SVOP: variants seen among roughly 807,000 people sequenced by gnomAD.
SVOP encodes the protein synaptic vesicle 2-related protein.
Under a neutral mutation model 69.1 loss-of-function variants are expected in SVOP, and 17 were observed. The ratio of observed to expected loss-of-function variants is 0.25; its 90% CI spans 0.17 to 0.37. The LOEUF (loss-of-function observed/expected upper bound fraction) is 0.37, where lower values mean the gene tolerates loss of function less well. SVOP is among the 10% of genes least tolerant of loss of function. The pLI, the probability that SVOP is intolerant of heterozygous loss-of-function variation, is 1.00. For synonymous variants in SVOP, 238 were observed against 238.6 expected (o/e 1.00, Z 0.02); for missense variants, 435 against 597.5 (o/e 0.73, Z 2.84).
intron 2 of SVOP, among the ~76,000 whole-genome samples, chr12:108,983,181 T>A (rs1383495682): frequency 2.0e-5 from 3 of 151,692 alleles, no homozygotes; most frequent in Non-Finnish European, 1.5e-5. Context: ...ACCATTGCCA[T>A]CTTTATCATC....
Position 108,940,839 on chromosome 12 carries a change from C to T in SVOP, c.713G>A (p.Arg238His), listed in dbSNP as rs541981069. 2.8e-5 allele frequency: 43 copies of T among 1,537,218 alleles called. No individual in the cohort carries two copies. The highest frequency in any genetic ancestry group is 1.2e-4 in the East Asian group (5 of 40,914). The change falls in exon 8 of 16, where the codon CGT becomes CAT. Residue 238 changes from arginine (R) to histidine (H), a missense_variant. Coordinates refer to ENST00000610966, the MANE Select transcript of SVOP (RefSeq NM_018711.5). ...AVFVMPSLGW[R>H]WLLILSAVPL... ...GACAGCTGAGAGGATGAGCAGCCAA[C>T]GCCAGCCCAGGCTGGGCATCACGAA... is the stretch of plus-strand genomic sequence containing the variant.
intron 1 of SVOP, among the ~76,000 whole-genome samples, chr12:109,013,077 T>C (rs1387964141): frequency 6.6e-6 from 1 of 152,238 alleles, no homozygotes; most frequent in African/African-American, 2.4e-5. Context: ...CAGATTTTTC[T>C]GGTTTTTCAT....
At chr12:108,998,532 A>C (rs1278638114) in intron 1 of SVOP, among the ~76,000 whole-genome samples, 1 of 152,062 alleles carries the variant, frequency 6.6e-6, no homozygotes, top group Non-Finnish European at 1.5e-5. Flanking sequence ...AGTTGAAATG[A>C]AGGAAAAAAT....
intron 5 of SVOP, among the ~76,000 whole-genome samples, chr12:108,964,203 C>CA (rs963768630): frequency 4.7e-5 from 7 of 149,196 alleles, no homozygotes; most frequent in South Asian, 4.3e-4. Flanking sequence ...AAAATTAAAT[C>CA]AAAAAAAAGA....
chr12:108,945,432 C>G (rs1359493609), intron 6 of SVOP, among the ~76,000 whole-genome samples: 5 of 152,096 alleles, frequency 3.3e-5, no homozygotes, highest in Admixed American at 2.0e-4. Context: ...GAGTCTCAGT[C>G]TGTCACCCAG....
At chr12:108,912,857 G>A in intron 15 of SVOP, 116 bp from the exon 16 acceptor site, 1 of 1,054,886 alleles carries the variant, frequency 9.5e-7, no homozygotes, top group Non-Finnish European at 1.4e-6. Flanking sequence ...TGCTAAAAAG[G>A]ATCTGGTGAT....
intron 1 of SVOP, among the ~76,000 whole-genome samples, chr12:109,007,302 A>C (rs2040314234): frequency 6.6e-6 from 1 of 150,986 alleles, no homozygotes; most frequent in African/African-American, 2.4e-5. Flanking sequence ...CAAGGTCACT[A>C]ACATATGGAC....
At chr12:108,943,319 C>T (rs922567600) in intron 7 of SVOP, among the ~76,000 whole-genome samples, 3 of 151,658 alleles carry the variant, frequency 2.0e-5, no homozygotes, top group Admixed American at 6.6e-5. Flanking sequence ...CACCAGTAGC[C>T]GGGCGCAGTG....
intron 14 of SVOP, among the ~76,000 whole-genome samples, chr12:108,917,560 T>C (rs1043003391): frequency 1.7e-5 from 1 of 57,372 alleles, no homozygotes; most frequent in Non-Finnish European, 4.1e-5. Flanking sequence ...TGGTATCATA[T>C]CATACATATT....
rs185957644 is a variant in SVOP, at chr12:108,952,217, T to C, written c.579-7051A>G. 2.2e-3 allele frequency among the ~76,000 whole-genome samples: 334 copies of C among 148,958 alleles called. 7 individuals carry two copies. The highest frequency in any genetic ancestry group is 7.8e-3 in the African/African-American group (323 of 41,308). On this transcript the variant is annotated intron_variant, in intron 6 of 15. Coordinates refer to ENST00000610966, the MANE Select transcript of SVOP (RefSeq NM_018711.5). The stretch of plus-strand genomic sequence containing the variant: ...TAGAAGCAAACCCTACATTCCACTT[T>C]TTTTTCTTTTCTCTTTTTTTTTTTT...
At chr12:108,949,903 A>G (rs945612771) in intron 6 of SVOP, among the ~76,000 whole-genome samples, 2 of 152,114 alleles carry the variant, frequency 1.3e-5, no homozygotes, top group African/African-American at 4.8e-5. Context: ...ACTTCCCGGG[A>G]GTAGCCCTCA....
chr12:109,003,202 C>T (rs1566067143), intron 1 of SVOP, among the ~76,000 whole-genome samples: 1 of 152,092 alleles, frequency 6.6e-6, no homozygotes, highest in Non-Finnish European at 1.5e-5. Flanking sequence ...CTGGTTTCTT[C>T]TGGGGAGGAG....
intron 13 of SVOP, 25 bp downstream of exon 13, chr12:108,919,650 A>T: frequency 6.4e-7 from 1 of 1,564,666 alleles, no homozygotes; most frequent in Non-Finnish European, 8.7e-7. Context: ...GCTCAAACTC[A>T]TACCTAGGCT....
chr12:109,014,370 T>C (rs2040357730), intron 1 of SVOP, among the ~76,000 whole-genome samples: 1 of 152,196 alleles, frequency 6.6e-6, no homozygotes, highest in Non-Finnish European at 1.5e-5. Flanking sequence ...ATAGACCACA[T>C]TTTGTTTCTT....
At position 108,912,764 on chromosome 12, in the gene SVOP, G is replaced by A. The variant is rs368770150; in HGVS notation, c.1441-23C>T. The A allele has an allele frequency of 1.7e-5, 28 of 1,606,840 alleles. 1 individual carries two copies. The South Asian group carries it at 1.9e-4, about 11-fold the overall frequency. ...CACCTAGGGGAAGGAGACACGGGTC[G>A]GTGAAAGCATCCCTTCTGAAGCACA... On this transcript the variant is annotated intron_variant, in intron 15 of 15. Coordinates refer to ENST00000610966, the MANE Select transcript of SVOP (RefSeq NM_018711.5).
At chr12:108,964,927 A>C (rs1012324785) in intron 5 of SVOP, among the ~76,000 whole-genome samples, 1 of 152,220 alleles carries the variant, frequency 6.6e-6, no homozygotes, top group African/African-American at 2.4e-5. Context: ...GCATGTATTG[A>C]GCACCTGCTG....
intron 8 of SVOP, 30 bp downstream of exon 8, chr12:108,940,754 A>C (rs1336869129): frequency 5.9e-6 from 9 of 1,532,416 alleles, no homozygotes; most frequent in South Asian, 4.8e-5. Context: ...GTCAGACAGC[A>C]AAAGGTGAAA....
intron 6 of SVOP, among the ~76,000 whole-genome samples, chr12:108,946,758 G>A (rs998619951): frequency 1.7e-4 from 26 of 150,098 alleles, no homozygotes; most frequent in Non-Finnish European, 2.7e-4. Context: ...TTACTCTGTC[G>A]CTCAGGCTGG....
At chr12:108,939,337 G>A (rs2039876038) in intron 8 of SVOP, among the ~76,000 whole-genome samples, 1 of 152,080 alleles carries the variant, frequency 6.6e-6, no homozygotes, top group Admixed American at 6.6e-5. Context: ...TCCAGGTGAG[G>A]GCTGAATTAA....
Sources: gnomAD v4.1 joint callset for allele counts (sites outside exome capture counted in the v4.1 genomes callset) on GRCh38, gnomAD v4.1.1 for gene constraint, MANE v1.5 for transcripts, NCBI Gene and HGNC (gene_info 2026-07-23, HGNC 2026-07-21) for gene names.